The following ADGRL3 variants were observed in gnomAD, a reference collection of about 807,000 sequenced individuals.
The protein encoded by ADGRL3 is calcium-independent alpha-latrotoxin receptor 3.
ADGRL3 carries 62 observed loss-of-function variants against 153.5 expected under a neutral mutation model. That is an observed-to-expected ratio of 0.40 (90% CI 0.33 to 0.50). ADGRL3 has a LOEUF of 0.50. Ranked by LOEUF, ADGRL3 falls within the 20% of genes least tolerant of loss-of-function variation. The pLI is 0.47. For missense variants in ADGRL3, 1,641 were observed against 1,859.4 expected, an observed-to-expected ratio of 0.88 and a Z score of 2.16; for synonymous variants, 710 against 672.5, an observed-to-expected ratio of 1.06 and a Z score of -0.86.
chr4:61,620,269 C>T (rs1021373050), intron 5 of ADGRL3, among the ~76,000 whole-genome samples: 10 of 152,054 alleles, frequency 6.6e-5, no homozygotes, highest in Non-Finnish European at 1.5e-5. Context: ...AAGAACAAGA[C>T]ACAGGACAGG....
chr4:61,812,521 G>A (rs2097641795), intron 8 of ADGRL3, among the ~76,000 whole-genome samples: 1 of 152,156 alleles, frequency 6.6e-6, no homozygotes, highest in African/African-American at 2.4e-5. Context: ...CCTGTAAATT[G>A]CTATAGTAAA....
rs1561353393 is a variant in ADGRL3, at chr4:61,848,055, TTATATATATAATATAAAATATATTA to T, written c.1480+34175_1480+34199del. On this transcript the variant is annotated intron_variant, in intron 9 of 26. Coordinates refer to ENST00000683033, the MANE Select transcript of ADGRL3 (RefSeq NM_001387552.1). ...TATTATATATATAATATAAAATATATTATATATATAATATAAAATATATTATATATATAATATAAAATATATTATA... is the reference window on the plus strand; with the variant it reads ...TATTATATATATAATATAAAATATATTATATATAATATAAAATATATTATA... 5.2e-3 allele frequency among the ~76,000 whole-genome samples: 58 copies of T among 11,076 alleles called. 3 individuals carry two copies. Among genetic ancestry groups the T allele is most frequent in the Non-Finnish European group, 0.02 (39 of 1,956 alleles). 7.3% of individuals were successfully genotyped at this position (11,076 alleles called of 152,430 possible).
At chr4:61,304,022 A>G (rs2094679939) in intron 1 of ADGRL3, among the ~76,000 whole-genome samples, 1 of 152,206 alleles carries the variant, frequency 6.6e-6, no homozygotes, top group African/African-American at 2.4e-5. Context: ...GAACATGTTT[A>G]TTCTCTGACT....
At chr4:61,506,182 T>A (rs571067607) in intron 3 of ADGRL3, among the ~76,000 whole-genome samples, 1 of 152,150 alleles carries the variant, frequency 6.6e-6, no homozygotes, top group South Asian at 2.1e-4. Flanking sequence ...GCCTACTTTG[T>A]TATAGTATGA....
chr4:61,626,132 A>C (rs2092814312), intron 5 of ADGRL3, among the ~76,000 whole-genome samples: 1 of 151,408 alleles, frequency 6.6e-6, no homozygotes, highest in South Asian at 2.1e-4. Context: ...TTTAAAATCT[A>C]CAAAAAAAAA....
At chr4:61,618,560 G>T (rs144689681) in intron 5 of ADGRL3, among the ~76,000 whole-genome samples, 2 of 152,258 alleles carry the variant, frequency 1.3e-5, no homozygotes, top group Admixed American at 6.5e-5. Flanking sequence ...TTGGTTAGGG[G>T]AGGAGGGATC....
intron 2 of ADGRL3, among the ~76,000 whole-genome samples, chr4:61,422,550 T>G (rs2097218937): frequency 6.6e-6 from 1 of 152,136 alleles, no homozygotes; most frequent in Non-Finnish European, 1.5e-5. Flanking sequence ...TTTCTAAGAT[T>G]TTTTCTGTAA....
intron 3 of ADGRL3, among the ~76,000 whole-genome samples, chr4:61,511,616 A>G (rs2098464026): frequency 6.6e-6 from 1 of 151,888 alleles, no homozygotes; most frequent in Non-Finnish European, 1.5e-5. Flanking sequence ...TGAGGAACCT[A>G]GTCTGAAGTG....
In ADGRL3 at chr4:62,076,493, T is replaced by C. The variant is rs1219418265; in HGVS notation, c.*5585T>C. 1.3e-5 allele frequency: 2 copies of C among 152,034 alleles called. No individual in the cohort carries two copies. The highest frequency in any genetic ancestry group is 2.9e-5 in the Non-Finnish European group (2 of 67,918). 9.4% of individuals were successfully genotyped at this position (152,034 alleles called of 1,614,324 possible). A position where few individuals can be genotyped will look rare whatever the true frequency, so the allele number is the denominator to read the frequency against. ...GAAACCAAACAAGTTAGCAAACTTA[T>C]GGTAAGGTGACAGGACCTAAACTAG... is the stretch of plus-strand genomic sequence containing the variant. On this transcript the variant is annotated 3_prime_UTR_variant, in exon 27 of 27. Coordinates refer to ENST00000683033, the MANE Select transcript of ADGRL3 (RefSeq NM_001387552.1).
intron 5 of ADGRL3, among the ~76,000 whole-genome samples, chr4:61,646,416 T>G (rs1440102834): frequency 2.0e-5 from 3 of 152,030 alleles, no homozygotes; most frequent in Non-Finnish European, 4.4e-5. Context: ...CTTTGTGGTT[T>G]TATCTACTTT....
intron 9 of ADGRL3, among the ~76,000 whole-genome samples, chr4:61,833,769 C>A (rs1229954446): frequency 6.6e-6 from 1 of 152,096 alleles, no homozygotes; most frequent in Non-Finnish European, 1.5e-5. Flanking sequence ...AGTCCCCAGG[C>A]AAGAAGGGGG....
At chr4:62,044,582 T>C in intron 25 of ADGRL3, 33 bp downstream of exon 25, 1 of 1,394,948 alleles carries the variant, frequency 7.2e-7, no homozygotes, top group East Asian at 2.5e-5. Context: ...ATTTATTACT[T>C]TTCTGATTAC....
chr4:61,726,199 C>CTTTTTTTTTTTTTTTTTTTTTTT (rs1012113549), intron 6 of ADGRL3, among the ~76,000 whole-genome samples: 1,221 of 81,510 alleles, frequency 0.015, 69 homozygotes, highest in Admixed American at 0.017. Context: ...CTCACTGGAA[C>CTTTTTTTTTTTTTTTTTTTTTTT]TTTTTTTTTT....
intron 5 of ADGRL3, among the ~76,000 whole-genome samples, chr4:61,617,694 T>C (rs1052201641): frequency 1.3e-5 from 2 of 152,210 alleles, no homozygotes; most frequent in East Asian, 1.9e-4. Context: ...GCCACTTCAA[T>C]GTTTCTTGCA....
rs1253284633 is a variant in ADGRL3, at chr4:61,202,633, G to C, written c.-240+868G>C. ...GAAGGCACCTCGGCGCTTCTCTGAG[G>C]AGAAGGGAAGGCTCCAGGCTGCAGC... On this transcript the variant is annotated intron_variant, in intron 1 of 26. Transcript: ENST00000683033. The surrounding 1 kb of genome is among the most constrained non-coding windows in gnomAD (Gnocchi z 5.0). 4.6e-5 allele frequency among the ~76,000 whole-genome samples: 7 copies of C among 152,170 alleles called. No individual in the cohort carries two copies. Among genetic ancestry groups the C allele is most frequent in the African/African-American group, 1.7e-4 (7 of 41,452 alleles).
intron 8 of ADGRL3, among the ~76,000 whole-genome samples, chr4:61,747,609 C>T (rs1261722155): frequency 4.8e-5 from 7 of 146,302 alleles, no homozygotes; most frequent in Admixed American, 2.1e-4. Flanking sequence ...ACAAAAACCA[C>T]ATGATTATCT....
At chr4:61,647,100 T>C (rs2094037486) in intron 5 of ADGRL3, among the ~76,000 whole-genome samples, 1 of 152,258 alleles carries the variant, frequency 6.6e-6, no homozygotes, top group Non-Finnish European at 1.5e-5. Flanking sequence ...CCCCTTGTGC[T>C]TCCCGAGTGA....
At chr4:61,565,078 G>A (rs1347924949) in intron 4 of ADGRL3, among the ~76,000 whole-genome samples, 1 of 152,180 alleles carries the variant, frequency 6.6e-6, no homozygotes, top group Non-Finnish European at 1.5e-5. Flanking sequence ...ACAGAGACAG[G>A]TAGTGAGCAC....
chr4:61,502,267 T>A (rs1190546092), intron 3 of ADGRL3, among the ~76,000 whole-genome samples: 1 of 152,086 alleles, frequency 6.6e-6, no homozygotes, highest in African/African-American at 2.4e-5. Flanking sequence ...CCCAGATGAT[T>A]GGGAGTTCAG....
Sources: gnomAD v4.1 joint callset for allele counts (sites outside exome capture counted in the v4.1 genomes callset) on GRCh38, gnomAD v4.1.1 for gene constraint, Gnocchi (gnomAD v3.1) non-coding constraint, MANE v1.5 for transcripts, NCBI Gene and HGNC (gene_info 2026-07-23, HGNC 2026-07-21) for gene names.